TAF4B: variants seen among roughly 807,000 people sequenced by gnomAD.
The protein encoded by TAF4B is transcription initiation factor TFIID subunit 4B.
TAF4B carries 38 observed loss-of-function variants against 86.4 expected under a neutral mutation model. That is an observed-to-expected ratio of 0.44 (90% CI 0.34 to 0.58). The LOEUF is 0.58. Among genes scored for constraint, TAF4B ranks in the 20% least tolerant of loss-of-function variants. TAF4B has a pLI of 0.02. For missense variants in TAF4B, 988 were observed against 1,027.6 expected (o/e 0.96, Z 0.53); for synonymous variants, 388 against 391.2 (o/e 0.99, Z 0.10).
Position 26,375,327 on chromosome 18 carries a change from G to A in TAF4B, c.2422-14518G>A, listed in dbSNP as rs542727905. Among the ~76,000 whole-genome samples the A allele has an allele frequency of 6.6e-5, 10 of 152,202 alleles. No individual in the cohort carries two copies. In the South Asian group the frequency reaches 2.1e-3, roughly 32 times the overall value. ...TTCATTCATCAGCTGAAGGACATTT[G>A]GTTGTTTATACTTTTTGCTATTATA... On this transcript the variant is annotated intron_variant, in intron 14 of 14. Transcript: ENST00000269142.
At chr18:26,233,838 C>T (rs149556635) in intron 1 of TAF4B, among the ~76,000 whole-genome samples, 28 of 152,278 alleles carry the variant, frequency 1.8e-4, no homozygotes, top group African/African-American at 2.4e-4. Context: ...CAGTCCTCTC[C>T]GTGATAGTGC....
At chr18:26,280,558 A>G (rs759844152) in intron 5 of TAF4B, among the ~76,000 whole-genome samples, 2 of 152,256 alleles carry the variant, frequency 1.3e-5, no homozygotes, top group Non-Finnish European at 2.9e-5. Context: ...AAAGATGCTC[A>G]TCATCACTAA....
intron 14 of TAF4B, among the ~76,000 whole-genome samples, chr18:26,386,834 C>T (rs1978403666): frequency 6.6e-6 from 1 of 152,078 alleles, no homozygotes; most frequent in African/African-American, 2.4e-5. Flanking sequence ...GAATAGTAGT[C>T]ATCCTTATAC....
chr18:26,305,934 A>T (rs1046564945), intron 9 of TAF4B, among the ~76,000 whole-genome samples: 1 of 152,190 alleles, frequency 6.6e-6, no homozygotes, highest in African/African-American at 2.4e-5. Flanking sequence ...TTTTTACGAT[A>T]TAGAAGATTC....
chr18:26,363,483 T>C (rs914567114), intron 14 of TAF4B, among the ~76,000 whole-genome samples: 1 of 151,256 alleles, frequency 6.6e-6, no homozygotes, highest in African/African-American at 2.4e-5. Context: ...AGGTCAAGGC[T>C]GCAGTGAGCT....
chr18:26,346,434 CAT>C (rs1170105659), intron 13 of TAF4B, among the ~76,000 whole-genome samples: 1 of 143,322 alleles, frequency 7.0e-6, no homozygotes, highest in Non-Finnish European at 1.5e-5. Flanking sequence ...ATGTAGAAAA[CAT>C]ATTTAATGAA....
At chr18:26,375,740 T>A (rs954392971) in intron 14 of TAF4B, among the ~76,000 whole-genome samples, 2 of 152,186 alleles carry the variant, frequency 1.3e-5, no homozygotes, top group South Asian at 2.1e-4. Context: ...CAATTTTTTC[T>A]TTGGTTACTT....
chr18:26,382,391 TG>T (rs1213541771), intron 14 of TAF4B, among the ~76,000 whole-genome samples: 6 of 152,222 alleles, frequency 3.9e-5, no homozygotes, highest in African/African-American at 1.4e-4. Context: ...ACTGTTTATT[TG>T]GCTTTTTGCT....
intron 3 of TAF4B, among the ~76,000 whole-genome samples, chr18:26,273,398 T>G (rs971162552): frequency 5.3e-5 from 8 of 152,204 alleles, no homozygotes; most frequent in African/African-American, 9.7e-5. Context: ...ACATGTGATA[T>G]GTACACATAT....
At chr18:26,234,968 A>G (rs1419506939) in intron 1 of TAF4B, among the ~76,000 whole-genome samples, 1 of 152,212 alleles carries the variant, frequency 6.6e-6, no homozygotes, top group Non-Finnish European at 1.5e-5. Context: ...CACCGCTGCA[A>G]CTACCCGTAA....
At chr18:26,355,467 T>G (rs1342711182) in intron 13 of TAF4B, among the ~76,000 whole-genome samples, 1 of 152,220 alleles carries the variant, frequency 6.6e-6, no homozygotes, top group Non-Finnish European at 1.5e-5. Flanking sequence ...TAAAAGTACC[T>G]GGTTTTACTG....
intron 1 of TAF4B, among the ~76,000 whole-genome samples, chr18:26,236,733 C>G (rs2055753626): frequency 6.6e-6 from 1 of 152,202 alleles, no homozygotes. Flanking sequence ...TGCGGCCTTT[C>G]TCTTACCTTG....
intron 14 of TAF4B, among the ~76,000 whole-genome samples, chr18:26,387,444 A>G (rs1598847614): frequency 6.6e-6 from 1 of 152,324 alleles, no homozygotes; most frequent in East Asian, 1.9e-4. Context: ...TTTTCCAAAC[A>G]AAACTGAGCT....
intron 1 of TAF4B, among the ~76,000 whole-genome samples, chr18:26,240,995 A>G (rs1428333627): frequency 6.6e-6 from 1 of 152,184 alleles, no homozygotes; most frequent in Non-Finnish European, 1.5e-5. Context: ...CCAGTATTTT[A>G]TTGAGGATTT....
Position 26,335,210 on chromosome 18 carries a change from A to G in TAF4B, c.2295A>G (p.Arg765=). 2 of 1,613,730 alleles carry G rather than the reference A, an allele frequency of 1.2e-6. No homozygotes were observed. Among genetic ancestry groups the G allele is most frequent in the Non-Finnish European group, 1.7e-6 (2 of 1,179,744 alleles). The change falls in exon 13 of 15, where the codon AGA becomes AGG. Residue 765 remains arginine, a synonymous_variant. Coordinates refer to ENST00000269142, the MANE Select transcript of TAF4B (RefSeq NM_005640.3). ...RSNKEDPEQL[R]LKQKAKELQQ... is the part of the protein sequence containing the mutation. ...ATAAAGAAGATCCAGAACAGCTGAG[A>G]TTAAAGCAGAAAGCCAAAGAGGTAG...
rs113901741 is a variant in TAF4B at position 26,307,974 on chromosome 18, G to T, written c.1833-7255G>T. Among the ~76,000 whole-genome samples, 920 of 152,248 alleles carry T rather than the reference G, an allele frequency of 6.0e-3. 7 individuals are homozygous for T. Among genetic ancestry groups the T allele is most frequent in the African/African-American group, 0.021 (868 of 41,542 alleles). On this transcript the variant is annotated intron_variant, in intron 9 of 14. Transcript: ENST00000269142. ...AAAATACAAAAATGAGCCGGGTGTG[G>T]TGGTGCGCCTGTAGTCCCAGCTACT...
intron 3 of TAF4B, among the ~76,000 whole-genome samples, chr18:26,268,081 T>C (rs1400168061): frequency 6.6e-6 from 1 of 151,994 alleles, no homozygotes; most frequent in Non-Finnish European, 1.5e-5. Context: ...TAATTCCTAC[T>C]CTCTGTTCAG....
intron 14 of TAF4B, among the ~76,000 whole-genome samples, chr18:26,382,173 A>G (rs1056828073): frequency 6.6e-6 from 1 of 152,234 alleles, no homozygotes; most frequent in Non-Finnish European, 1.5e-5. Flanking sequence ...ATTCTTAAAG[A>G]AAAATGTTTA....
rs71169836 is a variant in TAF4B, at chr18:26,255,603, C to CAAAAAAAAAAAAAAAAAAAAAAA, written c.344-9552_344-9551insAAAAAAAAAAAAAAAAAAAAAAA. ...GACAACAAGAGCAAAACTCTGTCTC[C>CAAAAAAAAAAAAAAAAAAAAAAA]AAAAAAAAAAAAAAAGAGGGTCAGT... On this transcript the variant is annotated intron_variant, in intron 1 of 14. Coordinates refer to ENST00000269142, the MANE Select transcript of TAF4B (RefSeq NM_005640.3). 1.3e-4 allele frequency: 61 copies of CAAAAAAAAAAAAAAAAAAAAAAA among 486,118 alleles called. 1 individual carries two copies. In the African/African-American group the frequency reaches 1.9e-3, roughly 15 times the overall value. The allele number at this position is 486,118 out of a possible 1,614,324, so 30.1% of individuals were successfully genotyped here. A position where few individuals can be genotyped will look rare whatever the true frequency, so the allele number is the denominator to read the frequency against.
Sources: gnomAD v4.1 joint callset for allele counts (sites outside exome capture counted in the v4.1 genomes callset) on GRCh38, gnomAD v4.1.1 for gene constraint, MANE v1.5 for transcripts, NCBI Gene and HGNC (gene_info 2026-07-23, HGNC 2026-07-21) for gene names.